The following RBFOX1 variants were observed in gnomAD, a reference collection of about 807,000 sequenced individuals.
The protein encoded by RBFOX1 is RNA binding fox-1 homolog 1, also known as RNA binding protein fox-1 homolog 1.
Under a neutral mutation model 57.7 loss-of-function variants are expected in RBFOX1, and 8 were observed. The ratio of observed to expected loss-of-function variants is 0.14; its 90% CI spans 0.08 to 0.25. The LOEUF (loss-of-function observed/expected upper bound fraction) is 0.25. Ranked by LOEUF, RBFOX1 falls within the 10% of genes least tolerant of loss-of-function variation. The pLI is 1.00. For synonymous variants in RBFOX1, 326 were observed against 222.4 expected (o/e 1.47, Z -4.15); for missense variants, 611 against 548.5 (o/e 1.11, Z -1.14).
intron 4 of RBFOX1, among the ~76,000 whole-genome samples, chr16:7,455,599 C>G (rs1362080104): frequency 6.6e-6 from 1 of 151,548 alleles, no homozygotes; most frequent in Non-Finnish European, 1.5e-5. Context: ...CGAGACCAGC[C>G]TAGGCAACGT....
intron 1 of RBFOX1, among the ~76,000 whole-genome samples, chr16:5,253,206 A>G (rs1567237958): frequency 6.6e-6 from 1 of 151,386 alleles, no homozygotes; most frequent in Non-Finnish European, 1.5e-5. Context: ...CTGGAGTGCA[A>G]TGGTGCAATC....
chr16:6,655,312 T>G (rs560343394), intron 3 of RBFOX1, among the ~76,000 whole-genome samples: 19 of 129,602 alleles, frequency 1.5e-4, no homozygotes, highest in Admixed American at 8.6e-4. Flanking sequence ...AGGTGGAGAC[T>G]GCAGTGAGCC....
intron 3 of RBFOX1, chr16:6,722,108 C>G (rs142707371): frequency 6.6e-6 from 1 of 152,116 alleles, no homozygotes; most frequent in Non-Finnish European, 1.5e-5. Context: ...CTGGTATAAG[C>G]GCGGTTGCAC....
At chr16:6,156,758 A>G (rs1310354879) in intron 1 of RBFOX1, among the ~76,000 whole-genome samples, 1 of 152,122 alleles carries the variant, frequency 6.6e-6, no homozygotes, top group Non-Finnish European at 1.5e-5. Context: ...ATTTCAGTCC[A>G]TTGGGGGCTC....
chr16:5,319,419 G>A (rs1288883868), intron 1 of RBFOX1, among the ~76,000 whole-genome samples: 1 of 152,078 alleles, frequency 6.6e-6, no homozygotes, highest in African/African-American at 2.4e-5. Context: ...CCTCCCACTG[G>A]TCTTTTCATT....
chr16:7,521,718 T>C (rs893625089), intron 5 of RBFOX1, among the ~76,000 whole-genome samples: 1 of 152,164 alleles, frequency 6.6e-6, no homozygotes, highest in African/African-American at 2.4e-5. Context: ...ATAATGACAG[T>C]AGGAGAAAAC....
intron 1 of RBFOX1, among the ~76,000 whole-genome samples, chr16:5,372,254 A>C (rs1455565102): frequency 6.6e-6 from 1 of 152,150 alleles, no homozygotes. Flanking sequence ...CACTGCAACA[A>C]ATTGCAGAAC....
chr16:7,321,294 G>A (rs192848545), intron 4 of RBFOX1, among the ~76,000 whole-genome samples: 190 of 152,142 alleles, frequency 1.2e-3, no homozygotes, highest in Non-Finnish European at 2.3e-3. Flanking sequence ...ACAGGTGTGT[G>A]CCACCATACC....
chr16:6,156,607 G>C (rs1157788357), intron 1 of RBFOX1, among the ~76,000 whole-genome samples: 1 of 152,092 alleles, frequency 6.6e-6, no homozygotes, highest in Non-Finnish European at 1.5e-5. Context: ...TGGCCAGCTT[G>C]GCCACCTGTG....
chr16:6,375,855 AAC>A (rs1480125628), intron 2 of RBFOX1, among the ~76,000 whole-genome samples: 1 of 152,054 alleles, frequency 6.6e-6, no homozygotes. Context: ...CAATGCAAAA[AAC>A]ACACTCCCTT....
exon 3 of RBFOX1, chr16:5,599,269 C>G (rs1433772635): frequency 3.0e-6 from 2 of 658,846 alleles, no homozygotes; most frequent in African/African-American, 3.6e-5. Flanking sequence ...AAATTGGTCC[C>G]TCTGCGCCCT....
chr16:6,465,773 A>C (rs1259186145), intron 2 of RBFOX1, among the ~76,000 whole-genome samples: 1 of 151,918 alleles, frequency 6.6e-6, no homozygotes, highest in African/African-American at 2.4e-5. Flanking sequence ...AATATTTACT[A>C]TATGGCTCTT....
intron 3 of RBFOX1, among the ~76,000 whole-genome samples, chr16:6,839,420 C>G (rs184464169): frequency 6.6e-6 from 1 of 152,326 alleles, no homozygotes; most frequent in African/African-American, 2.4e-5. Context: ...CATCGACAGA[C>G]TCAATAAACA....
chr16:5,718,946 T>C (rs559645845), intron 3 of RBFOX1, among the ~76,000 whole-genome samples: 1 of 150,790 alleles, frequency 6.6e-6, no homozygotes, highest in African/African-American at 2.4e-5. Context: ...ATGAACTTTC[T>C]GGCCTTACTG....
intron 4 of RBFOX1, among the ~76,000 whole-genome samples, chr16:7,351,296 A>C (rs2065578928): frequency 6.6e-6 from 1 of 152,226 alleles, no homozygotes; most frequent in Non-Finnish European, 1.5e-5. Context: ...TTTCTATGTC[A>C]AAGGGTAGTA....
chr16:5,438,575 T>A (rs1181737467), intron 1 of RBFOX1, among the ~76,000 whole-genome samples: 1 of 152,176 alleles, frequency 6.6e-6, no homozygotes. Flanking sequence ...TCCTATTAGC[T>A]GGCCTGGTTG....
intron 3 of RBFOX1, among the ~76,000 whole-genome samples, chr16:6,683,623 A>G (rs1315028365): frequency 6.6e-6 from 1 of 152,166 alleles, no homozygotes; most frequent in Non-Finnish European, 1.5e-5. Flanking sequence ...TTGTGTTTGC[A>G]TATCCAAACT....
chr16:6,022,580 G>A (rs1320041473), intron 1 of RBFOX1, among the ~76,000 whole-genome samples: 1 of 152,092 alleles, frequency 6.6e-6, no homozygotes, highest in African/African-American at 2.4e-5. Flanking sequence ...TACCCTGGAG[G>A]CTGAAGTGGG....
At chr16:6,821,975 G>C (rs1385706958) in intron 3 of RBFOX1, among the ~76,000 whole-genome samples, 1 of 152,178 alleles carries the variant, frequency 6.6e-6, no homozygotes, top group African/African-American at 2.4e-5. Context: ...ACTGTTTGGG[G>C]ATGGATGATA....
Sources: gnomAD v4.1 joint callset for allele counts (sites outside exome capture counted in the v4.1 genomes callset) on GRCh38, gnomAD v4.1.1 for gene constraint, MANE v1.5 for transcripts, NCBI Gene and HGNC (gene_info 2026-07-23, HGNC 2026-07-21) for gene names.